Variants in GSE1 observed in about 807,000 individuals in gnomAD.
GSE1 encodes the protein Gse1 coiled-coil protein, also known as genetic suppressor element 1.
GSE1 carries 32 observed loss-of-function variants against 112.6 expected under a neutral mutation model. The ratio of observed to expected loss-of-function variants is 0.28; its 90% CI spans 0.21 to 0.38. The LOEUF is 0.38. GSE1 is among the 10% of genes least tolerant of loss of function. The pLI is 1.00. For synonymous variants in GSE1, 1,115 were observed against 735.6 expected, an observed-to-expected ratio of 1.52 and a Z score of -8.35; for missense variants, 2,348 against 1,699.2, an observed-to-expected ratio of 1.38 and a Z score of -6.71.
chr16:85,215,998 C>T (rs922720154), intron 1 of GSE1, among the ~76,000 whole-genome samples: 1 of 152,212 alleles, frequency 6.6e-6, no homozygotes, highest in Non-Finnish European at 1.5e-5. Context: ...ATACTTGACA[C>T]GTGTTCCCTT....
chr16:85,239,469 G>A (rs1464724811), intron 1 of GSE1, among the ~76,000 whole-genome samples: 1 of 152,214 alleles, frequency 6.6e-6, no homozygotes, highest in Non-Finnish European at 1.5e-5. Flanking sequence ...CTCTGAGAAG[G>A]GACACTGACC....
chr16:85,486,083 C>A (rs2050827986), intron 2 of GSE1, among the ~76,000 whole-genome samples: 1 of 152,188 alleles, frequency 6.6e-6, no homozygotes, highest in Non-Finnish European at 1.5e-5. Flanking sequence ...TCAGGTGCAG[C>A]CCTGCCAACT....
intron 1 of GSE1, among the ~76,000 whole-genome samples, chr16:85,600,432 C>T (rs1272225235): frequency 6.6e-6 from 1 of 152,022 alleles, no homozygotes; most frequent in East Asian, 1.9e-4. Flanking sequence ...TCTCGAGGAC[C>T]ACTGTCTTTC....
At chr16:85,615,993 C>T (rs1201450803) in intron 1 of GSE1, among the ~76,000 whole-genome samples, 1 of 152,234 alleles carries the variant, frequency 6.6e-6, no homozygotes, top group African/African-American at 2.4e-5. Flanking sequence ...TCCCCTCCAG[C>T]AGTCACTTCC....
chr16:85,665,671 C>T (rs182440465), intron 12 of GSE1, among the ~76,000 whole-genome samples: 12 of 152,362 alleles, frequency 7.9e-5, no homozygotes, highest in African/African-American at 2.9e-4. Flanking sequence ...CGGCCCCTCA[C>T]ACACTCTCTT....
At chr16:85,550,098 C>A (rs968327550) in intron 2 of GSE1, among the ~76,000 whole-genome samples, 2 of 152,114 alleles carry the variant, frequency 1.3e-5, no homozygotes, top group Non-Finnish European at 2.9e-5. Context: ...TCCTGGAGTG[C>A]AGGGGTGATT....
intron 2 of GSE1, chr16:85,357,737 G>A (rs1303058346): frequency 1.3e-6 from 1 of 763,226 alleles, no homozygotes; most frequent in East Asian, 6.8e-5. Context: ...TTCAGATACA[G>A]TTCCGCCTTG....
At chr16:85,644,742 C>G (rs1374669868) in intron 2 of GSE1, among the ~76,000 whole-genome samples, 1 of 151,976 alleles carries the variant, frequency 6.6e-6, no homozygotes, top group East Asian at 1.9e-4. Flanking sequence ...TCGCACAACT[C>G]TGGACGTGCT....
chr16:85,623,823 G>A (rs2048892734), intron 1 of GSE1, among the ~76,000 whole-genome samples: 1 of 152,160 alleles, frequency 6.6e-6, no homozygotes, highest in South Asian at 2.1e-4. Context: ...CTCCCCTGCT[G>A]CCCAGGCCAC....
At chr16:85,669,930 C>T (rs1374204089) in intron 14 of GSE1, among the ~76,000 whole-genome samples, 1 of 152,250 alleles carries the variant, frequency 6.6e-6, no homozygotes, top group Admixed American at 6.5e-5. Flanking sequence ...CTCTCAGCTA[C>T]CGCTCAGCTG....
chr16:85,187,778 T>TG (rs2074737655), intron 1 of GSE1, among the ~76,000 whole-genome samples: 1 of 152,144 alleles, frequency 6.6e-6, no homozygotes, highest in Non-Finnish European at 1.5e-5. Flanking sequence ...CTGTGGGACA[T>TG]GGAGCACGTG....
At chr16:85,407,000 GGT>G (rs1436827274) in intron 2 of GSE1, among the ~76,000 whole-genome samples, 1 of 13,080 alleles carries the variant, frequency 7.6e-5, no homozygotes, top group African/African-American at 6.7e-4. Context: ...TTGCACTCAG[GGT>G]CCCCCGGATA....
chr16:85,654,136 G>C (rs2051691905), intron 3 of GSE1, 142 bp from the exon 4 acceptor site: 1 of 739,234 alleles, frequency 1.4e-6, no homozygotes, highest in Middle Eastern at 3.9e-4. Flanking sequence ...ACCATGTTTT[G>C]CGTAGAAAGC....
At chr16:85,618,876 G>C (rs1042215194) in intron 1 of GSE1, among the ~76,000 whole-genome samples, 1 of 152,190 alleles carries the variant, frequency 6.6e-6, no homozygotes, top group Admixed American at 6.5e-5. Context: ...GTTGCCCAGG[G>C]TGGTCTCAAA....
chr16:85,663,727 G>GGCT, intron 11 of GSE1, 113 bp downstream of exon 11: 1 of 1,109,106 alleles, frequency 9.0e-7, no homozygotes. Flanking sequence ...CTGAGCCTGA[G>GGCT]GCTGCCCCTT....
At chr16:85,251,515 G>A (rs1377210147) in intron 1 of GSE1, among the ~76,000 whole-genome samples, 1 of 152,230 alleles carries the variant, frequency 6.6e-6, no homozygotes, top group Non-Finnish European at 1.5e-5. Context: ...CGGCCAGGCC[G>A]GGGCTCGAAC....
chr16:85,389,170 G>A (rs2047774073), intron 2 of GSE1, among the ~76,000 whole-genome samples: 1 of 152,158 alleles, frequency 6.6e-6, no homozygotes, highest in African/African-American at 2.4e-5. Flanking sequence ...TCATTAAGAA[G>A]CTGCTAGGGG....
intron 2 of GSE1, among the ~76,000 whole-genome samples, chr16:85,371,369 G>A (rs2047296801): frequency 6.6e-6 from 1 of 152,244 alleles, no homozygotes; most frequent in Non-Finnish European, 1.5e-5. Flanking sequence ...ACAGAAGACG[G>A]AGATAGCAAG....
In GSE1 at chr16:85,655,837, G is replaced by A. The variant is rs747985866; in HGVS notation, c.909G>A (p.Gly303=). 7.4e-6 allele frequency: 12 copies of A among 1,610,770 alleles called. No individual in the cohort carries two copies. In the South Asian group the frequency reaches 1.2e-4, roughly 16 times the overall value. ...HPSAMHLHLS[G]VRYPPELSHS... The stretch of plus-strand genomic sequence containing the variant: ...CAGCGATGCACCTGCACCTCTCTGG[G>A]GTCCGCTACCCTCCCGAGCTCTCCC... The change falls in exon 6 of 16, where the codon GGG becomes GGA. Residue 303 remains glycine (G), a synonymous_variant. Coordinates refer to ENST00000253458, the MANE Select transcript of GSE1 (RefSeq NM_014615.5).
Sources: allele counts gnomAD v4.1 joint callset (sites outside exome capture counted in the v4.1 genomes callset), GRCh38; gene constraint gnomAD v4.1.1; transcripts MANE v1.5; gene names NCBI Gene and HGNC (gene_info 2026-07-23, HGNC 2026-07-21).